Variants in POTEJ observed in about 807,000 individuals in gnomAD.
The protein encoded by POTEJ is POTE ankyrin domain family member J, also known as POTE ankyrin domain family, member J.
Under a neutral mutation model 69.0 loss-of-function variants are expected in POTEJ, and 11 were observed. The observed-to-expected ratio is 0.16, with a 90% CI of 0.10 to 0.26. The LOEUF is 0.26. POTEJ is among the 10% of genes least tolerant of loss of function. The probability of loss-of-function intolerance (pLI) is 1.00; values close to 1 mark genes in which losing one functional copy is unlikely to be tolerated. For missense variants in POTEJ, 327 were observed against 1,045.5 expected, an observed-to-expected ratio of 0.31 and a Z score of 9.48; for synonymous variants, 117 against 381.1, an observed-to-expected ratio of 0.31 and a Z score of 8.07.
intron 13 of POTEJ, among the ~76,000 whole-genome samples, chr2:130,647,019 T>G (rs914335034): frequency 6.7e-6 from 1 of 150,236 alleles, no homozygotes; most frequent in African/African-American, 2.5e-5. Context: ...ATATGTATAC[T>G]TATGTATAAG....
At chr2:130,637,686 G>A (rs1353083813) in intron 9 of POTEJ, among the ~76,000 whole-genome samples, 6 of 152,266 alleles carry the variant, frequency 3.9e-5, no homozygotes, top group African/African-American at 1.2e-4. Context: ...TTGTTAGTAT[G>A]TATGTTAAAA....
At chr2:130,631,973 AAAAGAATGCTC>A (rs1360380808) in intron 8 of POTEJ, among the ~76,000 whole-genome samples, 1 of 143,718 alleles carries the variant, frequency 7.0e-6, no homozygotes, top group Admixed American at 6.9e-5. Context: ...ACCAAATGAA[AAAAGAATGCTC>A]AAAGGCAGTG....
intron 9 of POTEJ, among the ~76,000 whole-genome samples, chr2:130,636,542 C>G (rs1431100401): frequency 6.8e-6 from 1 of 147,148 alleles, no homozygotes; most frequent in South Asian, 2.1e-4. Flanking sequence ...CCACCACCCT[C>G]CCCATCAAAC....
In POTEJ at chr2:130,652,286, C is replaced by A. The variant is rs1158027152; in HGVS notation, c.1668-2635C>A. On this transcript the variant is annotated intron_variant, in intron 13 of 14. Coordinates refer to ENST00000409602, the MANE Select transcript of POTEJ (RefSeq NM_001277083.2). ...ATGCGTAACTGTGAATCAAATAATC[C>A]TCTTTCCTTTATGAATTACCTAGTC... Among the ~76,000 whole-genome samples the A allele has an allele frequency of 1.5e-5, 2 of 136,978 alleles. 1 individual carries two copies. The allele number at this position is 136,978 out of a possible 152,430, so 89.9% of individuals were successfully genotyped here.
intron 13 of POTEJ, among the ~76,000 whole-genome samples, chr2:130,649,334 C>G (rs1334017043): frequency 6.6e-6 from 1 of 152,226 alleles, no homozygotes; most frequent in Non-Finnish European, 1.5e-5. Flanking sequence ...GTTGCTCTGC[C>G]AAAAACCTCA....
chr2:130,626,528 T>C (rs1202072065), intron 6 of POTEJ, among the ~76,000 whole-genome samples: 1 of 151,752 alleles, frequency 6.6e-6, no homozygotes, highest in Non-Finnish European at 1.5e-5. Context: ...GCTGTTGTAG[T>C]GTGAAAGCCA....
intron 13 of POTEJ, among the ~76,000 whole-genome samples, chr2:130,652,417 G>GAT (rs1177828350): frequency 2.4e-5 from 2 of 85,012 alleles, no homozygotes; most frequent in Admixed American, 1.3e-4. Flanking sequence ...TGTGATGTGA[G>GAT]ATATATATAT....
At chr2:130,625,864 CG>C (rs1174147911) in intron 6 of POTEJ, among the ~76,000 whole-genome samples, 2 of 133,780 alleles carry the variant, frequency 1.5e-5, no homozygotes, top group Non-Finnish European at 3.1e-5. Context: ...GGAAATTTAC[CG>C]GGTAGAATGC....
Position 130,657,528 on chromosome 2 carries a change from C to T in POTEJ, c.2768C>T (p.Ala923Val), listed in dbSNP as rs559415455. The change falls in exon 15 of 15, where the codon GCG (alanine) becomes GTG (valine). Residue 923 changes from alanine (A) to valine (V), a missense_variant. Transcript: ENST00000409602. ...ISNEWFRCPE[A>V]LFQPCFLGME... ...AACGAGTGGTTCCGCTGCCCCGAGG[C>T]GCTCTTCCAGCCTTGCTTCCTGGGC... 387 of 1,566,936 alleles carry T rather than the reference C, an allele frequency of 2.5e-4. 63 individuals are homozygous for T. Among genetic ancestry groups the T allele is most frequent in the African/African-American group, 1.2e-3 (76 of 65,442 alleles).
intron 1 of POTEJ, among the ~76,000 whole-genome samples, chr2:130,615,711 C>A (rs1558916767): frequency 6.7e-6 from 1 of 148,746 alleles, no homozygotes; most frequent in African/African-American, 2.5e-5. Context: ...CCTTGGTGCA[C>A]ATTTACCTAT....
At position 130,624,045 on chromosome 2, in the gene POTEJ, A is replaced by G. The variant is rs1685617612; in HGVS notation, c.945-19A>G. The stretch of plus-strand genomic sequence containing the variant: ...CAGTATTAAAATAGTAATTTGGTTT[A>G]TTACATTTTTATACATAGAATTTGC... On this transcript the variant is annotated intron_variant, in intron 5 of 14. Coordinates refer to ENST00000409602, the MANE Select transcript of POTEJ (RefSeq NM_001277083.2). 2.1e-6 allele frequency: 3 copies of G among 1,452,376 alleles called. No homozygotes were observed. Among genetic ancestry groups the G allele is most frequent in the Non-Finnish European group, 2.8e-6 (3 of 1,075,818 alleles). The allele number at this position is 1,452,376 out of a possible 1,614,324, so 90.0% of individuals were successfully genotyped here. A position where few individuals can be genotyped will look rare whatever the true frequency, so the allele number is the denominator to read the frequency against.
At chr2:130,626,607 C>T (rs1272270232) in intron 6 of POTEJ, among the ~76,000 whole-genome samples, 2 of 152,152 alleles carry the variant, frequency 1.3e-5, no homozygotes, top group Non-Finnish European at 2.9e-5. Context: ...AACCATAAGG[C>T]AGATTGGATT....
At position 130,615,475 on chromosome 2, in the gene POTEJ, GCCATTAT is replaced by G. The variant is rs1347882347; in HGVS notation, c.411-1312_411-1306del. 2.2e-4 allele frequency among the ~76,000 whole-genome samples: 29 copies of G among 134,548 alleles called. 2 individuals carry two copies. Among genetic ancestry groups the G allele is most frequent in the Non-Finnish European group, 6.3e-5 (4 of 63,762 alleles). The allele number at this position is 134,548 out of a possible 152,430, so 88.3% of individuals were successfully genotyped here. ...TGCAGGGACATGGATGGTGTTGAAA[GCCATTAT>G]CCTTAGCAAACTAACATAGGAAGAG... On this transcript the variant is annotated intron_variant, in intron 1 of 14. Transcript: ENST00000409602.
At chr2:130,631,874 A>T (rs1685912139) in intron 8 of POTEJ, among the ~76,000 whole-genome samples, 1 of 143,382 alleles carries the variant, frequency 7.0e-6, no homozygotes, top group South Asian at 2.1e-4. Flanking sequence ...CCATGCTTGC[A>T]CGTCAGCAGT....
intron 8 of POTEJ, 119 bp downstream of exon 8, chr2:130,631,572 GA>G: frequency 2.7e-6 from 1 of 370,494 alleles, no homozygotes; most frequent in Non-Finnish European, 5.2e-6. Context: ...AATCATGAGT[GA>G]AAAAGTTAAT....
intron 10 of POTEJ, among the ~76,000 whole-genome samples, chr2:130,640,675 G>A (rs868566743): frequency 6.6e-6 from 1 of 151,890 alleles, no homozygotes; most frequent in South Asian, 2.1e-4. Flanking sequence ...AGGAAACTTA[G>A]AAGCATGCAA....
intron 3 of POTEJ, among the ~76,000 whole-genome samples, chr2:130,618,638 A>G (rs1685450478): frequency 6.9e-6 from 1 of 145,582 alleles, no homozygotes; most frequent in South Asian, 2.1e-4. Context: ...ATCTGGATAC[A>G]CTCCTGCTTA....
At chr2:130,627,419 C>T (rs1415589209) in intron 6 of POTEJ, among the ~76,000 whole-genome samples, 1 of 140,068 alleles carries the variant, frequency 7.1e-6, no homozygotes, top group Non-Finnish European at 1.5e-5. Context: ...GGAGTTGTTC[C>T]TTTTAGGGAA....
At chr2:130,637,366 G>C (rs1686134074) in intron 9 of POTEJ, among the ~76,000 whole-genome samples, 1 of 150,848 alleles carries the variant, frequency 6.6e-6, no homozygotes. Flanking sequence ...GCCCAGGCTG[G>C]AGTGCAGTGG....
Sources: gnomAD v4.1 joint callset for allele counts (sites outside exome capture counted in the v4.1 genomes callset) on GRCh38, gnomAD v4.1.1 for gene constraint, MANE v1.5 for transcripts, NCBI Gene and HGNC (gene_info 2026-07-23, HGNC 2026-07-21) for gene names.